Variants in GRIN2A observed in about 807,000 individuals in gnomAD.
GRIN2A encodes glutamate receptor ionotropic, NMDA 2A.
A neutral mutation model predicts 113.4 loss-of-function variants in GRIN2A; 22 were observed. The ratio of observed to expected loss-of-function variants is 0.19; its 90% CI spans 0.14 to 0.28. GRIN2A has a LOEUF of 0.28. GRIN2A is among the 10% of genes least tolerant of loss of function. GRIN2A has a pLI of 1.00. For missense variants in GRIN2A, 1,502 were observed against 1,887.0 expected (o/e 0.80, Z 3.78); for synonymous variants, 827 against 738.4 (o/e 1.12, Z -1.94).
intron 2 of GRIN2A, among the ~76,000 whole-genome samples, chr16:10,175,858 T>C (rs2050132247): frequency 2.0e-5 from 3 of 152,170 alleles, no homozygotes. Flanking sequence ...ATCTAGCCCA[T>C]ATTCTGGGCT....
At chr16:10,128,234 C>T (rs1368163798) in intron 2 of GRIN2A, among the ~76,000 whole-genome samples, 2 of 152,180 alleles carry the variant, frequency 1.3e-5, no homozygotes, top group East Asian at 1.9e-4. Flanking sequence ...TAGTCTGTAT[C>T]CTTCAGCTAT....
intron 2 of GRIN2A, among the ~76,000 whole-genome samples, chr16:10,056,603 G>A (rs2047460537): frequency 6.6e-6 from 1 of 152,074 alleles, no homozygotes; most frequent in African/African-American, 2.4e-5. Context: ...AAATTAATAT[G>A]AGGTCATACT....
At chr16:9,814,640 C>A (rs950166670) in intron 10 of GRIN2A, among the ~76,000 whole-genome samples, 4 of 152,156 alleles carry the variant, frequency 2.6e-5, no homozygotes. Flanking sequence ...TTAGTCACTA[C>A]AGAACTCCAT....
At chr16:9,894,731 C>G (rs59240125) in intron 3 of GRIN2A, among the ~76,000 whole-genome samples, 2 of 152,146 alleles carry the variant, frequency 1.3e-5, no homozygotes, top group African/African-American at 4.8e-5. Context: ...TTTTTAGCCC[C>G]GTCACATTGT....
intron 2 of GRIN2A, among the ~76,000 whole-genome samples, chr16:10,031,748 T>C (rs943350758): frequency 2.0e-5 from 3 of 152,344 alleles, no homozygotes; most frequent in East Asian, 1.9e-4. Context: ...GTGGTTTCTT[T>C]CTGCTCTTAT....
At chr16:10,107,555 A>C (rs2048523420) in intron 2 of GRIN2A, among the ~76,000 whole-genome samples, 1 of 152,216 alleles carries the variant, frequency 6.6e-6, no homozygotes. Context: ...GCACAGTTTC[A>C]TGTCTGGAAT....
chr16:9,799,346 T>C (rs995536656), intron 10 of GRIN2A, among the ~76,000 whole-genome samples: 1 of 152,160 alleles, frequency 6.6e-6, no homozygotes, highest in East Asian at 1.9e-4. Flanking sequence ...GTTATGCTGC[T>C]GCAAGCCAAG....
At chr16:10,089,892 G>T (rs748888945) in intron 2 of GRIN2A, among the ~76,000 whole-genome samples, 1 of 152,024 alleles carries the variant, frequency 6.6e-6, no homozygotes, top group Non-Finnish European at 1.5e-5. Flanking sequence ...AAATAAAACC[G>T]ATGAGGGGGA....
At chr16:9,920,727 C>A (rs562281065) in intron 3 of GRIN2A, among the ~76,000 whole-genome samples, 1 of 151,938 alleles carries the variant, frequency 6.6e-6, no homozygotes, top group South Asian at 2.1e-4. Context: ...CCACCACTCC[C>A]GGCTAATTTT....
intron 10 of GRIN2A, among the ~76,000 whole-genome samples, chr16:9,817,124 T>C (rs1266093723): frequency 6.6e-6 from 1 of 152,200 alleles, no homozygotes; most frequent in Non-Finnish European, 1.5e-5. Context: ...TTCAAAAAAT[T>C]AGGGATTCCA....
intron 2 of GRIN2A, among the ~76,000 whole-genome samples, chr16:10,040,172 ATGCATACGCC>A (rs2047134713): frequency 1.2e-5 from 1 of 80,772 alleles, no homozygotes; most frequent in African/African-American, 4.6e-5. Context: ...CTCAGTGCAC[ATGCATACGCC>A]CACAAATACA....
At chr16:10,168,011 T>C (rs1407405707) in intron 2 of GRIN2A, among the ~76,000 whole-genome samples, 1 of 152,170 alleles carries the variant, frequency 6.6e-6, no homozygotes, top group Non-Finnish European at 1.5e-5. Context: ...AACATATTAC[T>C]ACAGTAAGAT....
intron 2 of GRIN2A, among the ~76,000 whole-genome samples, chr16:10,161,917 T>C (rs2142327785): frequency 6.6e-6 from 1 of 152,320 alleles, no homozygotes; most frequent in South Asian, 2.1e-4. Flanking sequence ...TCATAAGGAA[T>C]GATTATAAAT....
At chr16:10,011,972 G>T (rs1471252927) in intron 2 of GRIN2A, among the ~76,000 whole-genome samples, 1 of 152,132 alleles carries the variant, frequency 6.6e-6, no homozygotes, top group Non-Finnish European at 1.5e-5. Context: ...TAGATAAGAG[G>T]TCCTCAAAAC....
Position 9,887,652 on chromosome 16 carries a change from A to G in GRIN2A, c.1122+3334T>C, listed in dbSNP as rs1596541869. Among the ~76,000 whole-genome samples, 6 of 152,304 alleles carry G rather than the reference A, an allele frequency of 3.9e-5. No individual in the cohort carries two copies. The South Asian group carries it at 8.3e-4, about 21-fold the overall frequency. ...CAATGAACATTCTTGTACAAGTATT[A>G]CTTTTTGGATATATGTTTATCTTTC... On this transcript the variant is annotated intron_variant, in intron 4 of 12. Transcript: ENST00000330684.
At chr16:10,167,943 A>G (rs2142347294) in intron 2 of GRIN2A, among the ~76,000 whole-genome samples, 1 of 152,314 alleles carries the variant, frequency 6.6e-6, no homozygotes, top group East Asian at 1.9e-4. Flanking sequence ...ACTGACTAAA[A>G]AGAATAATTT....
At chr16:9,959,176 T>C (rs1294815336) in intron 2 of GRIN2A, among the ~76,000 whole-genome samples, 2 of 152,196 alleles carry the variant, frequency 1.3e-5, no homozygotes, top group Non-Finnish European at 2.9e-5. Flanking sequence ...ACCAGAGAAA[T>C]AGGCTGGATT....
At chr16:9,938,914 C>G (rs576217139) in intron 2 of GRIN2A, among the ~76,000 whole-genome samples, 1 of 152,064 alleles carries the variant, frequency 6.6e-6, no homozygotes, top group Non-Finnish European at 1.5e-5. Flanking sequence ...AATCAAGCCA[C>G]GGAAATAAAA....
intron 11 of GRIN2A, among the ~76,000 whole-genome samples, chr16:9,786,719 C>G (rs749560183): frequency 6.6e-6 from 1 of 152,138 alleles, no homozygotes; most frequent in Non-Finnish European, 1.5e-5. Context: ...GCATAGGTAC[C>G]AATTGTACCA....
Sources: allele counts gnomAD v4.1 joint callset (sites outside exome capture counted in the v4.1 genomes callset), GRCh38; gene constraint gnomAD v4.1.1; transcripts MANE v1.5; gene names NCBI Gene and HGNC (gene_info 2026-07-23, HGNC 2026-07-21).